ZBED4: variants seen among roughly 807,000 people sequenced by gnomAD.
ZBED4 encodes zinc finger BED-type containing 4, also known as zinc finger BED domain-containing protein 4.
Under a neutral mutation model 15.5 loss-of-function variants are expected in ZBED4, and 4 were observed. The observed-to-expected ratio is 0.26, with a 90% CI of 0.13 to 0.59. The LOEUF (loss-of-function observed/expected upper bound fraction) is 0.59. ZBED4 is among the 20% of genes least tolerant of loss of function. The pLI is 0.90. For missense variants in ZBED4, 1,323 were observed against 1,461.8 expected, an observed-to-expected ratio of 0.91 and a Z score of 1.55; for synonymous variants, 692 against 608.5, an observed-to-expected ratio of 1.14 and a Z score of -2.02.
upstream of ZBED4, among the ~76,000 whole-genome samples, chr22:49,853,590 G>A (rs1331452041): frequency 6.6e-6 from 1 of 152,132 alleles, no homozygotes; most frequent in Non-Finnish European, 1.5e-5. Flanking sequence ...TCGCCCGCCA[G>A]CGCCGGAGCG....
At position 49,887,276 on chromosome 22, in the gene ZBED4, A is replaced by G. The variant is rs958390974; in HGVS notation, c.*98A>G. ...CGCTCTGCCCACGGCTGTGTACGAC[A>G]TCAGACCAGGCACTCTCAGGGCCGC... On this transcript the variant is annotated 3_prime_UTR_variant, in exon 2 of 2. Transcript: ENST00000216268. 6.0e-6 allele frequency: 8 copies of G among 1,331,088 alleles called. No individual in the cohort carries two copies. The African/African-American group carries it at 1.2e-4, about 20-fold the overall frequency. The allele number at this position is 1,331,088 out of a possible 1,614,324, so 82.5% of individuals were successfully genotyped here.
At chr22:49,854,194 C>T (rs1182268727) in intron 1 of ZBED4, among the ~76,000 whole-genome samples, 1 of 146,766 alleles carries the variant, frequency 6.8e-6, no homozygotes, top group Non-Finnish European at 1.5e-5. Context: ...CCGGCCCTGA[C>T]AGCTGGCGCG....
chr22:49,853,807 A>T (rs1188964929), upstream of ZBED4: 1 of 143,102 alleles, frequency 7.0e-6, no homozygotes, highest in Non-Finnish European at 1.5e-5. Context: ...GCCCCCGGCC[A>T]GCCCCGCCCC....
At chr22:49,857,011 C>G (rs1455111325) in intron 1 of ZBED4, among the ~76,000 whole-genome samples, 1 of 152,192 alleles carries the variant, frequency 6.6e-6, no homozygotes, top group African/African-American at 2.4e-5. Context: ...TGCTGCAGCC[C>G]CCTACCTGAT....
At chr22:49,882,646 G>A (rs939621176) in intron 1 of ZBED4, among the ~76,000 whole-genome samples, 1 of 152,058 alleles carries the variant, frequency 6.6e-6, no homozygotes, top group Non-Finnish European at 1.5e-5. Context: ...TCTTTGTAAC[G>A]CCATGTTCCT....
rs772589944 is a variant in ZBED4, at chr22:49,883,804, G to T, written c.142G>T (p.Asp48Tyr). The T allele has an allele frequency of 3.1e-6, 5 of 1,613,426 alleles. No homozygotes were observed. The highest frequency in any genetic ancestry group is 1.3e-5 in the African/African-American group (1 of 75,036). ...AATGGACTTTAAAAGCGAGCAGGAGGACATGAAGCAGACAGACAGCGGTGG... is the reference window on the plus strand; with the variant it reads ...AATGGACTTTAAAAGCGAGCAGGAGTACATGAAGCAGACAGACAGCGGTGG... ...ERMDFKSEQE[D>Y]MKQTDSGGER... Residue 48 changes from aspartate to tyrosine, a missense_variant, in exon 2 of 2, where the codon GAC (aspartate) becomes TAC (tyrosine). Asp to Tyr is a radical substitution (Grantham distance 160). This residue lies in a region of ZBED4 where 380 missense variants were observed against 413.7 expected (regional missense o/e 0.92). Coordinates refer to ENST00000216268, the MANE Select transcript of ZBED4 (RefSeq NM_014838.3).
intron 1 of ZBED4, among the ~76,000 whole-genome samples, chr22:49,868,838 G>T (rs765388866): frequency 1.7e-4 from 26 of 151,846 alleles, no homozygotes; most frequent in Admixed American, 4.6e-4. Flanking sequence ...CAGGCCGGGC[G>T]CAATGGCTCA....
Position 49,884,387 on chromosome 22 carries a change from C to G in ZBED4, c.725C>G (p.Ser242Trp). Residue 242 changes from serine to tryptophan, a missense_variant, in exon 2 of 2, where the codon TCG becomes TGG. Transcript: ENST00000216268. ...GAAATCTCCTCTGACATGTCCGTTT[C>G]GGAGAAGTGCGGCAGAGAAGAAGCC... The part of the protein sequence containing the change: ...SEEISSDMSV[S>W]EKCGREEALV... 1 of 1,612,430 alleles carries G rather than the reference C, an allele frequency of 6.2e-7. No homozygotes were observed. The highest frequency in any genetic ancestry group is 8.5e-7 in the Non-Finnish European group (1 of 1,179,134).
At chr22:49,855,981 T>C (rs1409697531) in intron 1 of ZBED4, among the ~76,000 whole-genome samples, 1 of 152,242 alleles carries the variant, frequency 6.6e-6, no homozygotes, top group Non-Finnish European at 1.5e-5. Context: ...GCTTTCTCTT[T>C]TAGTGTCTGT....
At chr22:49,861,611 T>A (rs1399462966) in intron 1 of ZBED4, among the ~76,000 whole-genome samples, 1 of 152,098 alleles carries the variant, frequency 6.6e-6, no homozygotes, top group African/African-American at 2.4e-5. Context: ...TTTTTTCAAA[T>A]TTTTTGTAGA....
chr22:49,873,454 G>C (rs891138085), intron 1 of ZBED4, among the ~76,000 whole-genome samples: 1 of 152,138 alleles, frequency 6.6e-6, no homozygotes, highest in African/African-American at 2.4e-5. Flanking sequence ...GGTGGCTCAC[G>C]TTAATTACGA....
Position 49,887,222 on chromosome 22 carries a change from C to G in ZBED4, c.*44C>G. On this transcript the variant is annotated 3_prime_UTR_variant, in exon 2 of 2. Transcript: ENST00000216268. ...TAGGCCAGAGGCGTGGCTGCCCCAG[C>G]GTTAGCAGCCTGTACCAGGTCTATG... 6.4e-7 allele frequency: 1 copy of G among 1,559,278 alleles called. No homozygotes were observed. The highest frequency in any genetic ancestry group is 1.2e-5 in the South Asian group (1 of 82,040).
chr22:49,869,905 G>A (rs985013232), intron 1 of ZBED4, among the ~76,000 whole-genome samples: 8 of 152,172 alleles, frequency 5.3e-5, no homozygotes, highest in Non-Finnish European at 8.8e-5. Context: ...AAGAATGATC[G>A]TCGCCCAGAT....
intron 1 of ZBED4, among the ~76,000 whole-genome samples, chr22:49,878,301 C>CA (rs71196388): frequency 0.017 from 1,824 of 107,178 alleles, 74 homozygotes; most frequent in African/African-American, 0.064. Flanking sequence ...GACACTGTCT[C>CA]AAAAAAAAAA....
At chr22:49,863,156 TG>T (rs1421335693) in intron 1 of ZBED4, among the ~76,000 whole-genome samples, 2 of 152,160 alleles carry the variant, frequency 1.3e-5, no homozygotes, top group Non-Finnish European at 2.9e-5. Context: ...CTCTATCCTT[TG>T]GTTTCTTGTA....
Position 49,886,094 on chromosome 22 carries a change from C to T in ZBED4, c.2432C>T (p.Ala811Val). The T allele has an allele frequency of 1.5e-6, 1 of 680,976 alleles. No individual in the cohort carries two copies. Among genetic ancestry groups the T allele is most frequent in the Non-Finnish European group, 2.7e-6 (1 of 370,234 alleles). The allele number at this position is 680,976 out of a possible 1,614,324, so 42.2% of individuals were successfully genotyped here. A position where few individuals can be genotyped will look rare whatever the true frequency, so the allele number is the denominator to read the frequency against. The part of the protein sequence containing the change: ...LQVGITVTDN[A>V]SIGKTLNEGE... Reference sequence around the variant, plus strand: ...GTGGGCATCACCGTCACCGACAACGCCAGCATCGGGAAGACGCTGAACGAG... The same window carrying T: ...GTGGGCATCACCGTCACCGACAACGTCAGCATCGGGAAGACGCTGAACGAG... Residue 811 changes from alanine to valine, a missense_variant, in exon 2 of 2, where the codon GCC becomes GTC. By Grantham distance (64) the Ala-to-Val change is moderately conservative. Transcript: ENST00000216268. The surrounding 1 kb of genome is among the most constrained non-coding windows in gnomAD (Gnocchi z 7.7).
chr22:49,881,340 TC>T (rs2060408577), intron 1 of ZBED4, among the ~76,000 whole-genome samples: 1 of 152,252 alleles, frequency 6.6e-6, no homozygotes, highest in Non-Finnish European at 1.5e-5. Flanking sequence ...GACAGAGTGA[TC>T]CGTCTCAAAA....
chr22:49,870,736 G>GCAGATATTTT (rs2060342838), intron 1 of ZBED4, among the ~76,000 whole-genome samples: 1 of 151,952 alleles, frequency 6.6e-6, no homozygotes, highest in Non-Finnish European at 1.5e-5. Flanking sequence ...TGCATAGTTT[G>GCAGATATTTT]CAGATATTTT....
chr22:49,867,210 A>G (rs967421367), intron 1 of ZBED4, among the ~76,000 whole-genome samples: 2 of 152,144 alleles, frequency 1.3e-5, no homozygotes, highest in African/African-American at 2.4e-5. Context: ...CTTATTTCCC[A>G]GATTTCTTTC....
Sources: gnomAD v4.1 joint callset for allele counts (sites outside exome capture counted in the v4.1 genomes callset) on GRCh38, gnomAD v4.1.1 for gene constraint, gnomAD v4.1.1 regional missense constraint, Gnocchi (gnomAD v3.1) non-coding constraint, MANE v1.5 for transcripts, NCBI Gene and HGNC (gene_info 2026-07-23, HGNC 2026-07-21) for gene names.